DCC: variants seen among roughly 807,000 people sequenced by gnomAD.
The protein encoded by DCC is netrin receptor DCC.
A neutral mutation model predicts 172.5 loss-of-function variants in DCC; 58 were observed. The ratio of observed to expected loss-of-function variants is 0.34; its 90% confidence interval spans 0.27 to 0.42. The LOEUF (loss-of-function observed/expected upper bound fraction) is 0.42. Ranked by LOEUF, DCC falls within the 10% of genes least tolerant of loss-of-function variation. The pLI is 1.00. For missense variants in DCC, 1,740 were observed against 1,791.0 expected (o/e 0.97, Z 0.51); for synonymous variants, 709 against 644.5 (o/e 1.10, Z -1.52).
intron 5 of DCC, among the ~76,000 whole-genome samples, chr18:53,047,787 T>C (rs2144026803): frequency 6.6e-6 from 1 of 151,758 alleles, no homozygotes; most frequent in East Asian, 2.0e-4. Context: ...CCTTGGGCAA[T>C]GTACTTAACC....
chr18:53,522,074 C>T (rs1028260556), intron 27 of DCC, among the ~76,000 whole-genome samples: 8 of 152,090 alleles, frequency 5.3e-5, no homozygotes, highest in African/African-American at 1.9e-4. Context: ...GATACCTTCT[C>T]AAGGTTTATG....
chr18:53,160,798 A>G (rs2054826603), intron 8 of DCC, among the ~76,000 whole-genome samples: 1 of 152,210 alleles, frequency 6.6e-6, no homozygotes, highest in South Asian at 2.1e-4. Context: ...TTTTAATTTC[A>G]TGTAATATAA....
At chr18:53,428,297 TA>T (rs1911195924) in intron 21 of DCC, among the ~76,000 whole-genome samples, 2 of 58,894 alleles carry the variant, frequency 3.4e-5, no homozygotes, top group Admixed American at 5.9e-4. Context: ...TAGAATATAA[TA>T]ATATATAGAA....
At chr18:52,498,195 G>C (rs2030877154) in intron 1 of DCC, among the ~76,000 whole-genome samples, 1 of 152,050 alleles carries the variant, frequency 6.6e-6, no homozygotes, top group South Asian at 2.1e-4. Flanking sequence ...ACAGGTGGTG[G>C]GCCAGACCTA....
chr18:53,048,048 T>A (rs1446607299), intron 5 of DCC, among the ~76,000 whole-genome samples: 1 of 152,016 alleles, frequency 6.6e-6, no homozygotes, highest in Non-Finnish European at 1.5e-5. Flanking sequence ...GGCATATTTT[T>A]AAAATCTTTG....
chr18:52,824,557 T>C (rs1401172225), intron 2 of DCC, among the ~76,000 whole-genome samples: 1 of 152,142 alleles, frequency 6.6e-6, no homozygotes, highest in African/African-American at 2.4e-5. Context: ...TTAGAGAATT[T>C]CTCTAATGCT....
chr18:52,364,473 C>G (rs1042154697), intron 1 of DCC, among the ~76,000 whole-genome samples: 2 of 152,040 alleles, frequency 1.3e-5, no homozygotes, highest in Non-Finnish European at 2.9e-5. Context: ...TTAAAAAAAG[C>G]TTAGCCATCT....
rs1013429053 is a variant in DCC at position 52,407,784 on chromosome 18, A to G, written c.91+66906A>G. Among the ~76,000 whole-genome samples, 130 of 143,936 alleles carry G rather than the reference A, an allele frequency of 9.0e-4. 1 individual carries two copies. The highest frequency in any genetic ancestry group is 1.0e-3 in the Non-Finnish European group (66 of 65,090). The allele number at this position is 143,936 out of a possible 152,430, so 94.4% of individuals were successfully genotyped here. On this transcript the variant is annotated intron_variant, in intron 1 of 28. Coordinates refer to ENST00000442544, the MANE Select transcript of DCC (RefSeq NM_005215.4). ...ACATTTATAGAAAAGTACATTCTCT[A>G]TTTCTAAGCTAGCAGTTTTTTCTGT... is the stretch of plus-strand genomic sequence containing the variant.
intron 1 of DCC, among the ~76,000 whole-genome samples, chr18:52,506,440 A>G (rs902029003): frequency 3.3e-5 from 5 of 152,118 alleles, no homozygotes; most frequent in African/African-American, 1.2e-4. Context: ...AATAAAAGGT[A>G]CACAAACACC....
At chr18:52,871,120 A>G (rs2039311746) in intron 2 of DCC, among the ~76,000 whole-genome samples, 1 of 152,166 alleles carries the variant, frequency 6.6e-6, no homozygotes, top group African/African-American at 2.4e-5. Flanking sequence ...AGGTTTACAC[A>G]TTCAGGACAA....
Position 52,690,973 on chromosome 18 carries a change from G to A in DCC, c.92-61081G>A, listed in dbSNP as rs543609402. ...ACCTGACTTAGTCAGCATATACGAA[G>A]GTCTGCCTCTCCAGGGAATAGTCAT... On this transcript the variant is annotated intron_variant, in intron 1 of 28. Transcript: ENST00000442544. 2.2e-4 allele frequency among the ~76,000 whole-genome samples: 33 copies of A among 152,146 alleles called. No homozygotes were observed. The South Asian group carries it at 4.8e-3, about 22-fold the overall frequency.
At chr18:52,497,396 CAT>C (rs1273371134) in intron 1 of DCC, among the ~76,000 whole-genome samples, 1 of 143,638 alleles carries the variant, frequency 7.0e-6, no homozygotes, top group Non-Finnish European at 1.5e-5. Flanking sequence ...CACACATATA[CAT>C]ATGTGTATAT....
At chr18:52,667,899 A>C (rs147589228) in intron 1 of DCC, among the ~76,000 whole-genome samples, 1 of 152,238 alleles carries the variant, frequency 6.6e-6, no homozygotes, top group Non-Finnish European at 1.5e-5. Context: ...AACCACTTCA[A>C]AGTGAACAAT....
rs77170907 is a variant in DCC, at chr18:52,798,708, T to C, written c.412+46334T>C. On this transcript the variant is annotated intron_variant, in intron 2 of 28. Transcript: ENST00000442544. ...TAAGGCAAAGGAGAATGCAGTGAGG[T>C]GGAAAAGCTGTATTTAGAGCCCCAA... Among the ~76,000 whole-genome samples, 12 of 151,694 alleles carry C rather than the reference T, an allele frequency of 7.9e-5. No homozygotes were observed. The East Asian group carries it at 1.7e-3, about 22-fold the overall frequency.
intron 5 of DCC, among the ~76,000 whole-genome samples, chr18:52,963,017 G>A (rs759069033): frequency 0.01 from 1,562 of 150,910 alleles, 38 homozygotes; most frequent in African/African-American, 0.037. Flanking sequence ...ATGACGAGTT[G>A]ATGGGTGCAG....
At chr18:53,073,873 A>T (rs1346199772) in intron 7 of DCC, among the ~76,000 whole-genome samples, 1 of 151,188 alleles carries the variant, frequency 6.6e-6, no homozygotes, top group Non-Finnish European at 1.5e-5. Flanking sequence ...ATCCAAATGG[A>T]CAAAAGGAAT....
At chr18:52,732,124 T>G (rs1396704104) in intron 1 of DCC, among the ~76,000 whole-genome samples, 1 of 152,186 alleles carries the variant, frequency 6.6e-6, no homozygotes, top group Non-Finnish European at 1.5e-5. Context: ...ATTAAGTTGT[T>G]TTAGCTAATC....
chr18:53,526,252 A>T (rs544291627), intron 27 of DCC, among the ~76,000 whole-genome samples: 1 of 152,238 alleles, frequency 6.6e-6, no homozygotes, highest in South Asian at 2.1e-4. Context: ...GGGCTCATTT[A>T]GGTGGTTTAG....
intron 9 of DCC, among the ~76,000 whole-genome samples, chr18:53,180,064 G>A (rs1289131404): frequency 6.6e-6 from 1 of 152,136 alleles, no homozygotes; most frequent in Non-Finnish European, 1.5e-5. Context: ...TGGGAATAAG[G>A]TGAAGTAGAG....
Sources: allele counts gnomAD v4.1 joint callset (sites outside exome capture counted in the v4.1 genomes callset), GRCh38; gene constraint gnomAD v4.1.1; transcripts MANE v1.5; gene names NCBI Gene and HGNC (gene_info 2026-07-23, HGNC 2026-07-21).